SMARCC1: variants seen among roughly 807,000 people sequenced by gnomAD.
The protein encoded by SMARCC1 is SWI/SNF related BAF chromatin remodeling complex subunit C1, also known as SWI/SNF complex subunit SMARCC1.
In SMARCC1, 43 loss-of-function variants were observed where a neutral mutation model predicts 147.4. The observed-to-expected ratio is 0.29, with a 90% CI of 0.23 to 0.38. The LOEUF (loss-of-function observed/expected upper bound fraction) is 0.38. Ranked by LOEUF, SMARCC1 falls within the 10% of genes least tolerant of loss-of-function variation. SMARCC1 has a pLI of 1.00. For missense variants in SMARCC1, 1,119 were observed against 1,381.1 expected (o/e 0.81, Z 3.01); for synonymous variants, 495 against 484.4 (o/e 1.02, Z -0.29).
At chr3:47,615,962 G>T (rs2032637080) in intron 25 of SMARCC1, among the ~76,000 whole-genome samples, 1 of 152,226 alleles carries the variant, frequency 6.6e-6, no homozygotes, top group African/African-American at 2.4e-5. Context: ...GGGATTACAG[G>T]CGTGAGCCAC....
At chr3:47,601,006 A>AGAGAGG (rs2032374610) in intron 26 of SMARCC1, among the ~76,000 whole-genome samples, 1 of 67,932 alleles carries the variant, frequency 1.5e-5, no homozygotes. Context: ...AATGAGAGAG[A>AGAGAGG]GAGAGAGAGA....
chr3:47,648,215 G>A (rs1261161239), intron 21 of SMARCC1, among the ~76,000 whole-genome samples: 2 of 151,824 alleles, frequency 1.3e-5, no homozygotes, highest in African/African-American at 4.8e-5. Context: ...GGCTGGTCTC[G>A]AACCCCTGAC....
chr3:47,589,767 T>C (rs2032147015), intron 27 of SMARCC1, among the ~76,000 whole-genome samples: 1 of 152,230 alleles, frequency 6.6e-6, no homozygotes, highest in Non-Finnish European at 1.5e-5. Context: ...GTAAGTTCTA[T>C]ATGCCTTCAT....
intron 21 of SMARCC1, among the ~76,000 whole-genome samples, chr3:47,653,838 G>A (rs748465012): frequency 2.0e-5 from 3 of 152,120 alleles, no homozygotes; most frequent in Non-Finnish European, 4.4e-5. Context: ...AAGTTAACTG[G>A]GAGGCTACTT....
intron 21 of SMARCC1, among the ~76,000 whole-genome samples, chr3:47,640,789 C>T (rs1050918195): frequency 6.6e-5 from 10 of 151,862 alleles, no homozygotes; most frequent in African/African-American, 2.2e-4. Context: ...AAATATTAGA[C>T]GACACTAGGC....
intron 2 of SMARCC1, among the ~76,000 whole-genome samples, chr3:47,751,413 C>A (rs1455349538): frequency 2.0e-5 from 3 of 151,952 alleles, no homozygotes; most frequent in Non-Finnish European, 4.4e-5. Flanking sequence ...TGGTGGCAGG[C>A]ACCTGTAGTC....
chr3:47,608,442 C>T (rs2032512300), intron 26 of SMARCC1, among the ~76,000 whole-genome samples: 1 of 152,164 alleles, frequency 6.6e-6, no homozygotes, highest in South Asian at 2.1e-4. Flanking sequence ...ACAATTTAGT[C>T]GAATGGGGAT....
At chr3:47,701,504 C>T in intron 10 of SMARCC1, 102 bp from the exon 11 acceptor site, 2 of 1,094,164 alleles carry the variant, frequency 1.8e-6, no homozygotes, top group Non-Finnish European at 2.7e-6. Context: ...AGAACATATG[C>T]TCAAGATCAC....
Position 47,588,275 on chromosome 3 carries a change from T to TGGC in SMARCC1, c.3249_3251dup (p.Pro1087dup). ...GAGGGACCCCATCTGCAGGTGGTGG[T>TGGC]GGCGGTGGCTGCTGCTGTGGTGGAG... On this transcript the variant is annotated inframe_insertion, in exon 28 of 28. Transcript: ENST00000254480. 3 of 1,613,774 alleles carry TGGC rather than the reference T, an allele frequency of 1.9e-6. No individual in the cohort carries two copies. The highest frequency in any genetic ancestry group is 2.5e-6 in the Non-Finnish European group (3 of 1,179,882).
intron 5 of SMARCC1, 58 bp downstream of exon 5, chr3:47,735,976 A>C (rs766368869): frequency 9.6e-5 from 73 of 761,968 alleles, no homozygotes; most frequent in Non-Finnish European, 1.4e-4. Context: ...TTAGAGGCTT[A>C]CAACTACAAA....
At chr3:47,677,503 A>C (rs192846511) in intron 16 of SMARCC1, among the ~76,000 whole-genome samples, 2 of 151,984 alleles carry the variant, frequency 1.3e-5, no homozygotes, top group East Asian at 3.9e-4. Context: ...TTGACTAAAA[A>C]ATTTAAAATG....
At chr3:47,758,768 C>A (rs2034734949) in intron 2 of SMARCC1, among the ~76,000 whole-genome samples, 1 of 151,984 alleles carries the variant, frequency 6.6e-6, no homozygotes, top group Non-Finnish European at 1.5e-5. Context: ...GGCGCGGTGG[C>A]TCAGGCCTGT....
intron 14 of SMARCC1, among the ~76,000 whole-genome samples, chr3:47,682,455 T>C (rs1048949165): frequency 2.6e-5 from 4 of 152,096 alleles, no homozygotes; most frequent in African/African-American, 7.2e-5. Context: ...ATTAAAAAAA[T>C]TTTTTGTAGA....
chr3:47,630,927 G>T (rs1027602745), intron 24 of SMARCC1, among the ~76,000 whole-genome samples: 1 of 152,080 alleles, frequency 6.6e-6, no homozygotes, highest in Non-Finnish European at 1.5e-5. Context: ...GCTGAGTGTG[G>T]TGACACATGT....
At position 47,676,640 on chromosome 3, in the gene SMARCC1, G is replaced by A. The variant is rs2033577918; in HGVS notation, c.1714C>T (p.Arg572Ter). The change falls in exon 17 of 28, where the codon CGA becomes TGA. Residue 572 changes from arginine (R) to a stop codon, truncating the protein, a stop_gained. Coordinates refer to ENST00000254480, the MANE Select transcript of SMARCC1 (RefSeq NM_003074.4). LOFTEE classifies it high-confidence loss of function. ...TPSGLVPLHLRSPQVPAAQQM... is the reference protein window; with the variant it reads ...TPSGLVPLHL Reference sequence around the variant, plus strand: ...CAACATTAATTTACCTGAGGTGATCGAAGATGCAGAGGCACAAGCCCAGAG... The same window carrying A: ...CAACATTAATTTACCTGAGGTGATCAAAGATGCAGAGGCACAAGCCCAGAG... 3 of 1,613,688 alleles carry A rather than the reference G, an allele frequency of 1.9e-6. No homozygotes were observed. Among genetic ancestry groups the A allele is most frequent in the Non-Finnish European group, 2.5e-6 (3 of 1,179,786 alleles).
At chr3:47,765,286 G>C (rs2034824445) in intron 2 of SMARCC1, among the ~76,000 whole-genome samples, 1 of 151,798 alleles carries the variant, frequency 6.6e-6, no homozygotes, top group African/African-American at 2.4e-5. Flanking sequence ...AAACGGCAAG[G>C]AAAAGATTAT....
intron 26 of SMARCC1, among the ~76,000 whole-genome samples, chr3:47,607,594 TG>T (rs1193993300): frequency 2.0e-5 from 3 of 152,142 alleles, no homozygotes; most frequent in African/African-American, 4.8e-5. Context: ...ATGTGGGGTT[TG>T]GGGGGTGAAC....
At chr3:47,657,205 T>C (rs932815445) in intron 21 of SMARCC1, among the ~76,000 whole-genome samples, 7 of 151,846 alleles carry the variant, frequency 4.6e-5, no homozygotes, top group Non-Finnish European at 8.8e-5. Flanking sequence ...AGGAGAGAGG[T>C]ATGCAAAAGA....
chr3:47,660,060 G>C (rs1276911125), intron 21 of SMARCC1, among the ~76,000 whole-genome samples: 3 of 152,022 alleles, frequency 2.0e-5, no homozygotes. Context: ...CTACCCCTAG[G>C]TATACACCCA....
Sources: allele counts gnomAD v4.1 joint callset (sites outside exome capture counted in the v4.1 genomes callset), GRCh38; gene constraint gnomAD v4.1.1; transcripts MANE v1.5; gene names NCBI Gene and HGNC (gene_info 2026-07-23, HGNC 2026-07-21).